The following STPG2 variants were observed in gnomAD, a reference collection of about 807,000 sequenced individuals.
STPG2 encodes the protein sperm-tail PG-rich repeat-containing protein 2.
STPG2 carries 56 observed loss-of-function variants against 54.2 expected under a neutral mutation model. The observed-to-expected ratio is 1.03, with a 90% CI of 0.83 to 1.29. The LOEUF is 1.29. Among genes scored for constraint, STPG2 ranks in the 50% most tolerant of loss-of-function variants. The probability of loss-of-function intolerance (pLI) is 0.00; values close to 1 mark genes in which losing one functional copy is unlikely to be tolerated. For synonymous variants in STPG2, 200 were observed against 181.8 expected (o/e 1.10, Z -0.81); for missense variants, 596 against 544.9 (o/e 1.09, Z -0.93).
At chr4:97,792,889 C>G (rs969577235) in intron 9 of STPG2, among the ~76,000 whole-genome samples, 1 of 152,146 alleles carries the variant, frequency 6.6e-6, no homozygotes, top group African/African-American at 2.4e-5. Context: ...CAGTGGCTCA[C>G]GTCTGTAATC....
At chr4:97,918,387 T>A (rs907968292) in intron 8 of STPG2, among the ~76,000 whole-genome samples, 4 of 152,136 alleles carry the variant, frequency 2.6e-5, no homozygotes, top group East Asian at 1.9e-4. Flanking sequence ...AAGAATTTTT[T>A]ATGCATTAAG....
At chr4:97,787,148 A>G (rs1169228524) in intron 9 of STPG2, among the ~76,000 whole-genome samples, 1 of 152,000 alleles carries the variant, frequency 6.6e-6, no homozygotes, top group East Asian at 1.9e-4. Context: ...ACAAAATCGT[A>G]TCATGTGCAA....
chr4:97,533,955 G>A (rs540885469), intron 4 of STPG2, among the ~76,000 whole-genome samples: 10 of 152,068 alleles, frequency 6.6e-5, no homozygotes, highest in African/African-American at 2.2e-4. Context: ...TATATAATAA[G>A]TATTTTTTAT....
Position 97,680,311 on chromosome 4 carries a change from G to T in STPG2, c.1320+32388C>A, listed in dbSNP as rs529943323. ...ATCCTCTTTTATTTCATTGAGCAGT[G>T]GTTTGTAGTTCTCCTTGAAGAGGTC... On this transcript the variant is annotated intron_variant, in intron 10 of 10. Coordinates refer to ENST00000295268, the MANE Select transcript of STPG2 (RefSeq NM_174952.3). 9.9e-5 allele frequency among the ~76,000 whole-genome samples: 15 copies of T among 151,438 alleles called. No individual in the cohort carries two copies. In the East Asian group the frequency reaches 2.3e-3, roughly 24 times the overall value.
At chr4:97,520,319 C>T (rs1335464101) in intron 4 of STPG2, among the ~76,000 whole-genome samples, 1 of 152,048 alleles carries the variant, frequency 6.6e-6, no homozygotes. Context: ...AGTAGGTATG[C>T]ATTCAATGCA....
intron 5 of STPG2, among the ~76,000 whole-genome samples, chr4:98,050,587 T>C (rs1737287607): frequency 6.6e-6 from 1 of 152,182 alleles, no homozygotes; most frequent in Non-Finnish European, 1.5e-5. Flanking sequence ...GAACATTGAA[T>C]CTGAGGGAGA....
intron 8 of STPG2, among the ~76,000 whole-genome samples, chr4:97,920,135 G>A (rs760031846): frequency 6.6e-6 from 1 of 152,140 alleles, no homozygotes; most frequent in African/African-American, 2.4e-5. Flanking sequence ...AACACTGAGA[G>A]GACAGGATTC....
intron 5 of STPG2, among the ~76,000 whole-genome samples, chr4:98,040,331 C>T (rs1436311325): frequency 6.6e-6 from 1 of 151,820 alleles, no homozygotes; most frequent in Non-Finnish European, 1.5e-5. Context: ...TTAATTAAGT[C>T]CCATTTGCCT....
chr4:97,523,622 C>T (rs899673669), intron 4 of STPG2, among the ~76,000 whole-genome samples: 4 of 151,814 alleles, frequency 2.6e-5, no homozygotes, highest in Admixed American at 2.0e-4. Context: ...GTTTTCTATG[C>T]AACTACTTGA....
chr4:97,757,738 T>C (rs1217029246), intron 9 of STPG2, among the ~76,000 whole-genome samples: 1 of 152,164 alleles, frequency 6.6e-6, no homozygotes, highest in African/African-American at 2.4e-5. Flanking sequence ...CCTGTTTCTG[T>C]ATGGTGTATG....
chr4:97,467,277 T>G (rs1729810157), intron 4 of STPG2, among the ~76,000 whole-genome samples: 1 of 151,954 alleles, frequency 6.6e-6, no homozygotes, highest in Non-Finnish European at 1.5e-5. Flanking sequence ...AATTAAAATG[T>G]TAAAAGTATA....
At chr4:97,946,253 T>C (rs1312240936) in intron 7 of STPG2, among the ~76,000 whole-genome samples, 2 of 152,180 alleles carry the variant, frequency 1.3e-5, no homozygotes, top group African/African-American at 2.4e-5. Flanking sequence ...TGTTTTATTT[T>C]CTTGCTGGTT....
intron 5 of STPG2, among the ~76,000 whole-genome samples, chr4:98,098,719 C>T (rs1235595305): frequency 6.6e-6 from 1 of 152,020 alleles, no homozygotes; most frequent in Non-Finnish European, 1.5e-5. Flanking sequence ...TTTGCAAACC[C>T]ATCTGACAAG....
chr4:97,534,016 T>C (rs1731473508), intron 4 of STPG2, among the ~76,000 whole-genome samples: 1 of 152,138 alleles, frequency 6.6e-6, no homozygotes, highest in African/African-American at 2.4e-5. Flanking sequence ...CTATTTTACA[T>C]TCCTACAAGC....
At chr4:97,496,642 ATG>A (rs1730617291) in intron 4 of STPG2, among the ~76,000 whole-genome samples, 5 of 151,730 alleles carry the variant, frequency 3.3e-5, no homozygotes, top group African/African-American at 1.2e-4. Flanking sequence ...TGTACCCCCT[ATG>A]TTTGTGTAGG....
At chr4:97,996,746 A>T (rs1394613569) in intron 5 of STPG2, among the ~76,000 whole-genome samples, 6 of 53,612 alleles carry the variant, frequency 1.1e-4, no homozygotes, top group Admixed American at 3.0e-4. Flanking sequence ...AAGAACAAAC[A>T]GCCCCCTTTT....
At chr4:97,466,859 A>G (rs1729799853) in intron 4 of STPG2, among the ~76,000 whole-genome samples, 2 of 152,032 alleles carry the variant, frequency 1.3e-5, no homozygotes, top group African/African-American at 2.4e-5. Flanking sequence ...TTGATGTCAT[A>G]TATCATGCAT....
chr4:97,950,136 G>A (rs1733411423), intron 7 of STPG2, among the ~76,000 whole-genome samples: 1 of 151,394 alleles, frequency 6.6e-6, no homozygotes, highest in Non-Finnish European at 1.5e-5. Flanking sequence ...TTCATATCCT[G>A]AAATTTTTTT....
intron 10 of STPG2, among the ~76,000 whole-genome samples, chr4:97,687,332 T>C (rs200792937): frequency 2.8e-5 from 4 of 142,378 alleles, no homozygotes; most frequent in Admixed American, 7.1e-5. Flanking sequence ...TTTTTTTTTT[T>C]CTTTTTTTTG....
Sources: gnomAD v4.1 joint callset for allele counts (sites outside exome capture counted in the v4.1 genomes callset) on GRCh38, gnomAD v4.1.1 for gene constraint, MANE v1.5 for transcripts, NCBI Gene and HGNC (gene_info 2026-07-23, HGNC 2026-07-21) for gene names.